Variants in ANGPTL5 observed in about 807,000 individuals in gnomAD.
The protein encoded by ANGPTL5 is angiopoietin-related protein 5.
In ANGPTL5, 34 loss-of-function variants were observed where a neutral mutation model predicts 39.4. That is an observed-to-expected ratio of 0.86 (90% CI 0.66 to 1.15). The LOEUF (loss-of-function observed/expected upper bound fraction) is 1.15. ANGPTL5 is among the 50% of genes most tolerant of loss of function. The probability of loss-of-function intolerance (pLI) is 0.00; values close to 1 mark genes in which losing one functional copy is unlikely to be tolerated. For missense variants in ANGPTL5, 467 were observed against 457.5 expected, an observed-to-expected ratio of 1.02 and a Z score of -0.19; for synonymous variants, 146 against 152.1, an observed-to-expected ratio of 0.96 and a Z score of 0.29.
At chr11:101,903,166 C>T (rs1939936991) in intron 5 of ANGPTL5, among the ~76,000 whole-genome samples, 1 of 152,008 alleles carries the variant, frequency 6.6e-6, no homozygotes, top group Admixed American at 6.6e-5. Context: ...TATTCTATTC[C>T]CAACTTCAGA....
At position 101,891,323 on chromosome 11, in the gene ANGPTL5, C is replaced by G. The variant is rs1379286671; in HGVS notation, c.1123G>C (p.Val375Leu). 2 of 1,613,292 alleles carry G rather than the reference C, an allele frequency of 1.2e-6. No individual in the cohort carries two copies. Among genetic ancestry groups the G allele is most frequent in the African/African-American group, 1.3e-5 (1 of 74,856 alleles). The change falls in exon 9 of 9, where the codon GTT becomes CTT. Residue 375 changes from valine (V) to leucine (L), a missense_variant. Transcript: ENST00000334289. ...TACATTCTTCTAATTTTCATTGAAACAGATTTAATCTTGACAGGTGAGTTG... is the reference window on the plus strand; with the variant it reads ...TACATTCTTCTAATTTTCATTGAAAGAGATTTAATCTTGACAGGTGAGTTG... ...KNNSPVKIKS[V>L]SMKIRRMYNP...
At chr11:101,915,079 G>GTCGCCGCTGCCTCAGCTGCCA (rs1050359388) in intron 1 of ANGPTL5, 3 of 651,856 alleles carry the variant, frequency 4.6e-6, no homozygotes, top group Admixed American at 3.3e-5. Flanking sequence ...GCCCGGCGAG[G>GTCGCCGCTGCCTCAGCTGCCA]TCGCCGCTGC....
At position 101,891,521 on chromosome 11, in the gene ANGPTL5, C is replaced by T. The variant is rs137857623; in HGVS notation, c.925G>A (p.Gly309Arg). The change falls in exon 9 of 9, where the codon GGG becomes AGG. Residue 309 changes from glycine (G) to arginine (R), a missense_variant. By Grantham distance (125) the Gly-to-Arg change is moderately radical. Coordinates refer to ENST00000334289, the MANE Select transcript of ANGPTL5 (RefSeq NM_178127.5). ...TTGACCAGGCATGCAGGGCGACACCCATCATTATCAACATCTGATGTGCTA... is the reference window on the plus strand; with the variant it reads ...TTGACCAGGCATGCAGGGCGACACCTATCATTATCAACATCTGATGTGCTA... ...PFSTSDVDND[G>R]CRPACLVNGQ... 5.5e-4 allele frequency: 891 copies of T among 1,614,070 alleles called. 7 individuals carry two copies. The African/African-American group carries it at 0.011, about 20-fold the overall frequency.
At position 101,898,571 on chromosome 11, in the gene ANGPTL5, A is replaced by G. The variant is rs570057624; in HGVS notation, c.661+1859T>C. On this transcript the variant is annotated intron_variant, in intron 7 of 8. Coordinates refer to ENST00000334289, the MANE Select transcript of ANGPTL5 (RefSeq NM_178127.5). ...TGAGGCAATGGGGTTTTCAAAATAT[A>G]CAATCATGTCATCTGCAAACAGAGA... Among the ~76,000 whole-genome samples the G allele has an allele frequency of 4.6e-5, 7 of 152,350 alleles. No individual in the cohort carries two copies. The East Asian group carries it at 1.3e-3, about 29-fold the overall frequency.
At chr11:101,906,120 A>T (rs540924582) in intron 3 of ANGPTL5, among the ~76,000 whole-genome samples, 5 of 152,260 alleles carry the variant, frequency 3.3e-5, no homozygotes, top group Admixed American at 6.5e-5. Flanking sequence ...TCATTAAGAG[A>T]CAGTGTTCTG....
chr11:101,903,352 G>A (rs1038492696), intron 5 of ANGPTL5, among the ~76,000 whole-genome samples: 1 of 152,184 alleles, frequency 6.6e-6, no homozygotes, highest in East Asian at 1.9e-4. Context: ...TTGTAAACAC[G>A]TGTATGTGGA....
Position 101,891,519 on chromosome 11 carries a change from C to G in ANGPTL5, c.927G>C (p.Gly309=), listed in dbSNP as rs1283880287. ...PFSTSDVDND[G]CRPACLVNGQ... ...CATTGACCAGGCATGCAGGGCGACACCCATCATTATCAACATCTGATGTGC... is the reference window on the plus strand; with the variant it reads ...CATTGACCAGGCATGCAGGGCGACAGCCATCATTATCAACATCTGATGTGC... Residue 309 remains glycine (G), a synonymous_variant, in exon 9 of 9, where the codon GGG becomes GGC. Transcript: ENST00000334289. 6.2e-7 allele frequency: 1 copy of G among 1,614,020 alleles called. No individual in the cohort carries two copies. Among genetic ancestry groups the G allele is most frequent in the Non-Finnish European group, 8.5e-7 (1 of 1,179,970 alleles).
At chr11:101,914,547 C>T (rs915374020) in intron 1 of ANGPTL5, among the ~76,000 whole-genome samples, 1 of 152,146 alleles carries the variant, frequency 6.6e-6, no homozygotes, top group Non-Finnish European at 1.5e-5. Context: ...ATGCCAGAAG[C>T]ATTACCGAGT....
chr11:101,901,040 T>C (rs1426436128), intron 6 of ANGPTL5, among the ~76,000 whole-genome samples: 2 of 147,280 alleles, frequency 1.4e-5, no homozygotes, highest in Admixed American at 6.8e-5. Context: ...TTTTTTTCTT[T>C]TGTATTTTTG....
At chr11:101,901,613 C>T (rs929008406) in intron 6 of ANGPTL5, among the ~76,000 whole-genome samples, 1 of 152,098 alleles carries the variant, frequency 6.6e-6, no homozygotes, top group African/African-American at 2.4e-5. Context: ...CCAGCACTTT[C>T]CCACAAAAGA....
At chr11:101,894,836 A>C in intron 8 of ANGPTL5, 43 bp downstream of exon 8, 1 of 1,508,872 alleles carries the variant, frequency 6.6e-7, no homozygotes, top group Non-Finnish European at 9.2e-7. Flanking sequence ...TGAGTCAGTT[A>C]TAATTTAGAT....
chr11:101,905,616 T>C (rs900709385), intron 4 of ANGPTL5, 128 bp downstream of exon 4: 22 of 678,170 alleles, frequency 3.2e-5, no homozygotes, highest in Middle Eastern at 7.5e-4. Flanking sequence ...TTTACTATGG[T>C]GCCTCTAACA....
intron 3 of ANGPTL5, 92 bp from the exon 4 acceptor site, chr11:101,905,939 T>G: frequency 2.7e-6 from 2 of 742,852 alleles, no homozygotes; most frequent in South Asian, 3.0e-5. Context: ...ATTTTGGATA[T>G]GTATGTTAAC....
intron 1 of ANGPTL5, among the ~76,000 whole-genome samples, chr11:101,908,345 C>CA (rs941742023): frequency 2.0e-5 from 3 of 151,542 alleles, no homozygotes; most frequent in Non-Finnish European, 4.4e-5. Context: ...AAACTGCTTG[C>CA]AAAAAAATAG....
chr11:101,912,865 A>T (rs1191607784), intron 1 of ANGPTL5, among the ~76,000 whole-genome samples: 1 of 152,180 alleles, frequency 6.6e-6, no homozygotes, highest in East Asian at 1.9e-4. Context: ...TAAAGTAGAG[A>T]TCATTAGACT....
At chr11:101,915,370 G>A (rs1940183126) in intron 1 of ANGPTL5, 1 of 1,613,802 alleles carries the variant, frequency 6.2e-7, no homozygotes, top group Admixed American at 1.7e-5. Flanking sequence ...GCCCCCCTCG[G>A]CCCTCGGGAG....
In ANGPTL5 at chr11:101,891,458, T is replaced by C; in HGVS notation, c.988A>G (p.Lys330Glu). 1 of 1,614,104 alleles carries C rather than the reference T, an allele frequency of 6.2e-7. No individual in the cohort carries two copies. Among genetic ancestry groups the C allele is most frequent in the East Asian group, 2.2e-5 (1 of 44,878 alleles). Reference protein sequence around the residue: ...SVKSCSHLHNKTGWWFNECGL... With the variant: ...SVKSCSHLHNETGWWFNECGL... ...CACTCGTTAAACCACCAGCCGGTCT[T>C]GTTATGGAGGTGACTGCAGCTCTTC... Residue 330 changes from lysine to glutamate, a missense_variant, in exon 9 of 9, where the codon AAG becomes GAG. By Grantham distance (56) the Lys-to-Glu change is moderately conservative. Transcript: ENST00000334289.
At chr11:101,904,498 C>T (rs1939964775) in intron 5 of ANGPTL5, among the ~76,000 whole-genome samples, 1 of 152,140 alleles carries the variant, frequency 6.6e-6, no homozygotes, top group South Asian at 2.1e-4. Context: ...TTCTTTTCTT[C>T]TATCTGAAGA....
chr11:101,911,094 C>CTTTTTTTT (rs71059524), intron 1 of ANGPTL5, among the ~76,000 whole-genome samples: 5 of 54,992 alleles, frequency 9.1e-5, no homozygotes, highest in Non-Finnish European at 1.4e-4. Flanking sequence ...CTACCCAAAT[C>CTTTTTTTT]TTTTTTTTTT....
Sources: gnomAD v4.1 joint callset for allele counts (sites outside exome capture counted in the v4.1 genomes callset) on GRCh38, gnomAD v4.1.1 for gene constraint, MANE v1.5 for transcripts, NCBI Gene and HGNC (gene_info 2026-07-23, HGNC 2026-07-21) for gene names.